FAT1: variants seen among roughly 807,000 people sequenced by gnomAD.
FAT1 encodes the protein protocadherin Fat 1.
A neutral mutation model predicts 329.8 loss-of-function variants in FAT1; 171 were observed. The observed-to-expected ratio is 0.52, with a 90% confidence interval of 0.46 to 0.59. The LOEUF is 0.59. Ranked by LOEUF, FAT1 falls within the 20% of genes least tolerant of loss-of-function variation. FAT1 has a pLI of 0.00. For missense variants in FAT1, 5,672 were observed against 5,774.4 expected (o/e 0.98, Z 0.57); for synonymous variants, 2,233 against 2,228.6 (o/e 1.00, Z -0.06).
Position 186,707,152 on chromosome 4 carries a change from G to C in FAT1, c.2676C>G (p.Ser892=), listed in dbSNP as rs1266225742. Residue 892 remains serine, a synonymous_variant, in exon 2 of 27, where the codon TCC becomes TCG. Transcript: ENST00000441802. ...CTTGGTCCCTGGCCTCAATCTTTAA[G>C]GAGTGCTCATGCTGCAGCTCTCGAT... The part of the protein sequence containing the change: ...PLDRELQHEH[S]LKIEARDQAR... 1.2e-6 allele frequency: 2 copies of C among 1,613,790 alleles called. No homozygotes were observed. Among genetic ancestry groups the C allele is most frequent in the Admixed American group, 3.3e-5 (2 of 60,002 alleles).
chr4:186,638,074 G>C (rs956664436), intron 4 of FAT1, among the ~76,000 whole-genome samples: 4 of 149,632 alleles, frequency 2.7e-5, no homozygotes, highest in Admixed American at 2.0e-4. Context: ...TCAAGAACCA[G>C]TAGCTAGTCA....
intron 11 of FAT1, among the ~76,000 whole-genome samples, chr4:186,615,994 C>T (rs190666860): frequency 4.6e-5 from 7 of 152,216 alleles, no homozygotes; most frequent in East Asian, 3.9e-4. Context: ...CTCTTTGCCA[C>T]GGCCTTGGTC....
intron 26 of FAT1, among the ~76,000 whole-genome samples, chr4:186,591,298 T>G (rs937884630): frequency 6.6e-6 from 1 of 152,252 alleles, no homozygotes; most frequent in Non-Finnish European, 1.5e-5. Context: ...TTCTATGCAT[T>G]CAACAGTGTT....
chr4:186,642,876 C>T (rs1442264467), intron 3 of FAT1, among the ~76,000 whole-genome samples: 1 of 152,192 alleles, frequency 6.6e-6, no homozygotes, highest in East Asian at 1.9e-4. Context: ...GGAAGAGAAG[C>T]TTCGTGTCCC....
intron 20 of FAT1, chr4:186,601,698 A>C (rs997205092): frequency 7.2e-6 from 2 of 277,438 alleles, no homozygotes; most frequent in Non-Finnish European, 1.3e-5. Context: ...TCAGTATAAA[A>C]TTATTAGAAG....
At chr4:186,720,265 T>C (rs1458370978) in intron 1 of FAT1, among the ~76,000 whole-genome samples, 2 of 152,112 alleles carry the variant, frequency 1.3e-5, no homozygotes, top group East Asian at 1.9e-4. Context: ...TTTTCACCTT[T>C]CTCTTCAACG....
chr4:186,658,563 G>A (rs766667570), intron 3 of FAT1, among the ~76,000 whole-genome samples: 5 of 152,142 alleles, frequency 3.3e-5, no homozygotes, highest in Admixed American at 6.5e-5. Flanking sequence ...TCAAAAAGAG[G>A]TCACTTTTAT....
chr4:186,600,473 A>G (rs2126416073), intron 21 of FAT1, 113 bp from the exon 22 acceptor site: 1 of 770,108 alleles, frequency 1.3e-6, no homozygotes, highest in East Asian at 2.7e-5. Context: ...GTTAGGCCTT[A>G]CATTTAAGTA....
At position 186,639,679 on chromosome 4, in the gene FAT1, T is replaced by C. The variant is rs769345449; in HGVS notation, c.3642+43A>G. 4 of 1,296,726 alleles carry C rather than the reference T, an allele frequency of 3.1e-6. No individual in the cohort carries two copies. In the South Asian group the frequency reaches 5.0e-5, roughly 16 times the overall value. The allele number at this position is 1,296,726 out of a possible 1,614,324, so 80.3% of individuals were successfully genotyped here. On this transcript the variant is annotated intron_variant, in intron 4 of 26. Coordinates refer to ENST00000441802, the MANE Select transcript of FAT1 (RefSeq NM_005245.4). Reference sequence around the variant, plus strand: ...AGATTGTTCTTTCCCATGATACTTGTAACTACGAATCTTTAAGTATTAAAG... The same window carrying C: ...AGATTGTTCTTTCCCATGATACTTGCAACTACGAATCTTTAAGTATTAAAG...
intron 2 of FAT1, among the ~76,000 whole-genome samples, chr4:186,702,004 ACAGG>A (rs1744348404): frequency 9.9e-6 from 1 of 100,574 alleles, no homozygotes; most frequent in Non-Finnish European, 1.9e-5. Flanking sequence ...CGACCCCCAC[ACAGG>A]TGACACAGAC....
chr4:186,700,850 C>T (rs1274970650), intron 2 of FAT1, among the ~76,000 whole-genome samples: 4 of 152,296 alleles, frequency 2.6e-5, no homozygotes, highest in South Asian at 2.1e-4. Flanking sequence ...CACTCAGTGT[C>T]GTGGTTATTA....
chr4:186,630,195 C>T (rs950750002), intron 7 of FAT1, among the ~76,000 whole-genome samples: 4 of 152,182 alleles, frequency 2.6e-5, no homozygotes, highest in Non-Finnish European at 5.9e-5. Flanking sequence ...CTAACCATGT[C>T]TCATATATTA....
Position 186,611,667 on chromosome 4 carries a change from A to G in FAT1, c.9572T>C (p.Leu3191Pro), listed in dbSNP as rs1357882330. The change falls in exon 14 of 27, where the codon CTC (leucine) becomes CCC (proline). Residue 3191 changes from leucine (L) to proline (P), a missense_variant. Transcript: ENST00000441802. Reference sequence around the variant, plus strand: ...CAAAGAGAGGGTGTATACTGCCTGGAGTTCTCTGTCCAAAGGTTTTTCTAA... The same window carrying G: ...CAAAGAGAGGGTGTATACTGCCTGGGGTTCTCTGTCCAAAGGTTTTTCTAA... ...IQLEKPLDRELQAVYTLSLKA... is the reference protein window; with the variant it reads ...IQLEKPLDREPQAVYTLSLKA... 2.5e-6 allele frequency: 4 copies of G among 1,611,804 alleles called. No individual in the cohort carries two copies. In the South Asian group the frequency reaches 4.4e-5, roughly 18 times the overall value.
intron 1 of FAT1, among the ~76,000 whole-genome samples, chr4:186,713,913 C>T (rs971009026): frequency 1.3e-4 from 20 of 152,152 alleles, no homozygotes; most frequent in African/African-American, 4.6e-4. Context: ...TCTCAAACAC[C>T]CAGGCTCAAG....
At position 186,663,464 on chromosome 4, in the gene FAT1, T is replaced by C. The variant is rs1211349241; in HGVS notation, c.3415A>G (p.Thr1139Ala). 2 of 1,613,936 alleles carry C rather than the reference T, an allele frequency of 1.2e-6. No individual in the cohort carries two copies. Among genetic ancestry groups the C allele is most frequent in the Non-Finnish European group, 1.7e-6 (2 of 1,179,908 alleles). Reference sequence around the variant, plus strand: ...TCTGGGTAATAAACAGGCTCTGATGTCTGTGGTGCATTGTCATTGACATCC... The same window carrying C: ...TCTGGGTAATAAACAGGCTCTGATGCCTGTGGTGCATTGTCATTGACATCC... The part of the protein sequence containing the change: ...VEDVNDNAPQ[T>A]SEPVYYPEIM... The change falls in exon 3 of 27, where the codon ACA becomes GCA. Residue 1139 changes from threonine (T) to alanine (A), a missense_variant. Thr to Ala is a moderately conservative substitution (Grantham distance 58). Coordinates refer to ENST00000441802, the MANE Select transcript of FAT1 (RefSeq NM_005245.4).
chr4:186,698,435 G>C (rs1449052574), intron 2 of FAT1, among the ~76,000 whole-genome samples: 1 of 152,214 alleles, frequency 6.6e-6, no homozygotes, highest in Non-Finnish European at 1.5e-5. Flanking sequence ...ACAAAGAGCT[G>C]ACAATCTAGA....
chr4:186,609,488 C>T (rs536671923), intron 15 of FAT1, among the ~76,000 whole-genome samples, 168 bp from the exon 16 acceptor site: 2 of 152,196 alleles, frequency 1.3e-5, no homozygotes, highest in African/African-American at 2.4e-5. Flanking sequence ...ACAATCTCGG[C>T]TCACTGCAAG....
rs183343406 is a variant in FAT1 at position 186,621,745 on chromosome 4, G to C, written c.4841C>G (p.Pro1614Arg). ...GNIGNSFMID[P>R]VLGSIKTAKE... ...GGCAGTTTTAATAGAGCCCAAGACA[G>C]GATCAATCATAAAAGAATTTCCAAT... Residue 1614 changes from proline (P) to arginine (R), a missense_variant, in exon 10 of 27, where the codon CCT becomes CGT. Physicochemically the swap from Pro to Arg is moderately radical, Grantham distance 103. Coordinates refer to ENST00000441802, the MANE Select transcript of FAT1 (RefSeq NM_005245.4). 1 of 1,578,152 alleles carries C rather than the reference G, an allele frequency of 6.3e-7. No homozygotes were observed. The highest frequency in any genetic ancestry group is 8.6e-7 in the Non-Finnish European group (1 of 1,166,020).
rs770281172 is a variant in FAT1, at chr4:186,597,683, T to C, written c.12367A>G (p.Arg4123Gly). 2.6e-5 allele frequency: 42 copies of C among 1,612,432 alleles called. No homozygotes were observed. The South Asian group carries it at 4.3e-4, about 16-fold the overall frequency. Residue 4123 changes from arginine to glycine, a missense_variant and splice_region_variant, in exon 24 of 27, where the codon AGG becomes GGG. Physicochemically the swap from Arg to Gly is moderately radical, Grantham distance 125. This residue lies in a region of FAT1 where 1,706 missense variants were observed against 1,859.1 expected (regional missense o/e 0.92). Coordinates refer to ENST00000441802, the MANE Select transcript of FAT1 (RefSeq NM_005245.4). ...CQCDSGFRGERCQSDIDECSG... is the reference protein window; with the variant it reads ...CQCDSGFRGEGCQSDIDECSG... Reference sequence around the variant, plus strand: ...TAAATTTTGAAAGAAACCATTTACCTTTCTCCCCTAAAACCCGAATCACAC... The same window carrying C: ...TAAATTTTGAAAGAAACCATTTACCCTTCTCCCCTAAAACCCGAATCACAC...
Sources: allele counts gnomAD v4.1 joint callset (sites outside exome capture counted in the v4.1 genomes callset), GRCh38; gene constraint gnomAD v4.1.1; regional missense constraint gnomAD v4.1.1; transcripts MANE v1.5; gene names NCBI Gene and HGNC (gene_info 2026-07-23, HGNC 2026-07-21).